Variants in FHIT observed in about 807,000 individuals in gnomAD.
FHIT encodes the protein bis(5'-adenosyl)-triphosphatase.
A neutral mutation model predicts 17.9 loss-of-function variants in FHIT; 19 were observed. The ratio of observed to expected loss-of-function variants is 1.06; its 90% CI spans 0.74 to 1.56. The LOEUF is 1.56. Among genes scored for constraint, FHIT ranks in the 40% most tolerant of loss-of-function variants. The pLI is 0.00. For missense variants in FHIT, 248 were observed against 189.2 expected, an observed-to-expected ratio of 1.31 and a Z score of -1.82; for synonymous variants, 81 against 69.7, an observed-to-expected ratio of 1.16 and a Z score of -0.81.
chr3:60,606,945 C>A (rs1471476251), intron 4 of FHIT, among the ~76,000 whole-genome samples: 10 of 152,146 alleles, frequency 6.6e-5, no homozygotes, highest in African/African-American at 2.4e-4. Context: ...CCTGCTTCCA[C>A]TGGAACTCTG....
Position 60,238,368 on chromosome 3 carries a change from CCTAT to C in FHIT, c.104-224220_104-224217del, listed in dbSNP as rs200725987. ...ATAATATTAAATGTTTTAAAACTATCCTATCTAAGAATGAAATAAAAGAAAGCCA... is the reference window on the plus strand; with the variant it reads ...ATAATATTAAATGTTTTAAAACTATCCTAAGAATGAAATAAAAGAAAGCCA... On this transcript the variant is annotated intron_variant, in intron 5 of 9. Coordinates refer to ENST00000492590, the MANE Select transcript of FHIT (RefSeq NM_002012.4). Among the ~76,000 whole-genome samples, 581 of 147,716 alleles carry C rather than the reference CCTAT, an allele frequency of 3.9e-3. 6 individuals are homozygous for C. In the East Asian group the frequency reaches 0.043, roughly 11 times the overall value.
At chr3:61,041,108 C>G (rs115646249) in intron 3 of FHIT, among the ~76,000 whole-genome samples, 3 of 152,086 alleles carry the variant, frequency 2.0e-5, no homozygotes, top group Non-Finnish European at 2.9e-5. Flanking sequence ...TGGCTGGGCA[C>G]GGTGGCTCAC....
chr3:60,407,067 A>ATTTTTTTTTTT (rs34542104), intron 5 of FHIT, among the ~76,000 whole-genome samples: 3 of 62,878 alleles, frequency 4.8e-5, no homozygotes, highest in African/African-American at 1.4e-4. Context: ...CCTGCCAATA[A>ATTTTTTTTTTT]TTTTTTTTTT....
At chr3:60,066,687 T>C (rs1393736712) in intron 5 of FHIT, among the ~76,000 whole-genome samples, 6 of 130,546 alleles carry the variant, frequency 4.6e-5, no homozygotes, top group South Asian at 5.5e-4. Flanking sequence ...GATGGAGTCT[T>C]GCTCTGTCAC....
At chr3:60,559,077 C>A (rs1239045531) in intron 4 of FHIT, among the ~76,000 whole-genome samples, 1 of 152,124 alleles carries the variant, frequency 6.6e-6, no homozygotes, top group African/African-American at 2.4e-5. Context: ...TCTGAGCTTC[C>A]AACTTCCATG....
Position 61,210,517 on chromosome 3 carries a change from C to T in FHIT, c.-212-9852G>A, listed in dbSNP as rs975702374. ...AGCCTTGGCAATGGCAGGCGCCCCT[C>T]CCCCAGCCTCGCTGCCGCCTTGCAG... On this transcript the variant is annotated intron_variant, in intron 1 of 9. Transcript: ENST00000492590. Among the ~76,000 whole-genome samples, 4 of 152,342 alleles carry T rather than the reference C, an allele frequency of 2.6e-5. No homozygotes were observed. In the East Asian group the frequency reaches 5.8e-4, roughly 22 times the overall value.
intron 7 of FHIT, among the ~76,000 whole-genome samples, chr3:59,990,502 AC>A (rs771890886): frequency 2.6e-5 from 4 of 152,112 alleles, no homozygotes; most frequent in Admixed American, 1.3e-4. Context: ...GATGAGGGGA[AC>A]CCGCTCTCAC....
intron 7 of FHIT, among the ~76,000 whole-genome samples, chr3:59,987,305 A>G (rs1709028531): frequency 6.6e-6 from 1 of 151,806 alleles, no homozygotes; most frequent in Non-Finnish European, 1.5e-5. Flanking sequence ...TTCACCTGGT[A>G]TAAATGAGCT....
chr3:60,129,780 T>C (rs1369672374), intron 5 of FHIT, among the ~76,000 whole-genome samples: 2 of 152,212 alleles, frequency 1.3e-5, no homozygotes, highest in Admixed American at 1.3e-4. Context: ...AGCCCATTAT[T>C]GAATTCTGGA....
intron 4 of FHIT, among the ~76,000 whole-genome samples, chr3:60,790,339 T>C (rs1372263093): frequency 6.6e-6 from 1 of 152,196 alleles, no homozygotes; most frequent in East Asian, 1.9e-4. Flanking sequence ...TGCCTATATA[T>C]TAATACACAT....
chr3:61,128,852 T>C (rs892927327), intron 2 of FHIT, among the ~76,000 whole-genome samples: 19 of 151,964 alleles, frequency 1.3e-4, no homozygotes, highest in African/African-American at 4.1e-4. Context: ...TCCTCTCCAA[T>C]GCTCAACTCG....
chr3:60,892,124 T>C (rs1705545171), intron 3 of FHIT, among the ~76,000 whole-genome samples: 1 of 152,188 alleles, frequency 6.6e-6, no homozygotes, highest in South Asian at 2.1e-4. Context: ...GAAACTTTGA[T>C]AGGTTTTAAT....
At chr3:59,764,316 G>T (rs1273905283) in intron 8 of FHIT, among the ~76,000 whole-genome samples, 4 of 152,160 alleles carry the variant, frequency 2.6e-5, no homozygotes, top group Non-Finnish European at 4.4e-5. Context: ...ATCTAGCCAG[G>T]TGCTTGGCAC....
intron 5 of FHIT, among the ~76,000 whole-genome samples, chr3:60,240,822 C>G (rs925554392): frequency 2.0e-5 from 3 of 152,010 alleles, no homozygotes; most frequent in Admixed American, 6.6e-5. Context: ...TATTAGCAAC[C>G]CTCAGATCCA....
rs1328460445 is a variant in FHIT at position 61,023,267 on chromosome 3, C to G, written c.-111+18780G>C. Among the ~76,000 whole-genome samples, 3 of 152,114 alleles carry G rather than the reference C, an allele frequency of 2.0e-5. No individual in the cohort carries two copies. In the East Asian group the frequency reaches 5.8e-4, roughly 29 times the overall value. On this transcript the variant is annotated intron_variant, in intron 3 of 9. Coordinates refer to ENST00000492590, the MANE Select transcript of FHIT (RefSeq NM_002012.4). The stretch of plus-strand genomic sequence containing the variant: ...AATTGCTACAAACAGAATAAAATAC[C>G]CAGGAATACAACTTACAAGGGATGT...
At chr3:60,449,653 T>C (rs1010255002) in intron 5 of FHIT, among the ~76,000 whole-genome samples, 29 of 152,034 alleles carry the variant, frequency 1.9e-4, no homozygotes, top group Admixed American at 1.3e-4. Flanking sequence ...CTGTAGGTAA[T>C]TGTAACACAC....
intron 5 of FHIT, among the ~76,000 whole-genome samples, chr3:60,488,128 A>C (rs72882107): frequency 0.096 from 14,563 of 152,212 alleles, 1,112 homozygotes; most frequent in East Asian, 0.39. Context: ...CAATGGTCTT[A>C]CGATTTAAAT....
At chr3:60,934,559 T>C (rs1175916152) in intron 3 of FHIT, among the ~76,000 whole-genome samples, 1 of 152,234 alleles carries the variant, frequency 6.6e-6, no homozygotes, top group East Asian at 1.9e-4. Flanking sequence ...AGGTCTCTAC[T>C]GTGTCTCAAG....
chr3:60,350,499 A>G (rs1711032440), intron 5 of FHIT, among the ~76,000 whole-genome samples: 1 of 152,114 alleles, frequency 6.6e-6, no homozygotes, highest in Admixed American at 6.5e-5. Flanking sequence ...TTTTAAAACC[A>G]TTATGTAGAA....
Sources: gnomAD v4.1 joint callset for allele counts (sites outside exome capture counted in the v4.1 genomes callset) on GRCh38, gnomAD v4.1.1 for gene constraint, MANE v1.5 for transcripts, NCBI Gene and HGNC (gene_info 2026-07-23, HGNC 2026-07-21) for gene names.